The following ZNF892 variants were observed in gnomAD, a reference collection of about 807,000 sequenced individuals.
ZNF892 encodes zinc finger protein 892.
the ZNF892 span, among the ~76,000 whole-genome samples, chr2:95,257,153 T>G: frequency 1.3e-5 from 2 of 152,226 alleles, no homozygotes; most frequent in African/African-American, 4.8e-5. Context: ...GGCGCTCTGA[T>G]TTTAGAATTT....
the ZNF892 span, among the ~76,000 whole-genome samples, chr2:95,224,083 C>T: frequency 6.6e-6 from 1 of 152,212 alleles, no homozygotes; most frequent in Non-Finnish European, 1.5e-5. Context: ...TTCTCACTCA[C>T]ATTTCATTAT....
chr2:95,230,458 C>T, the ZNF892 span, among the ~76,000 whole-genome samples: 13 of 152,294 alleles, frequency 8.5e-5, no homozygotes. Context: ...GTTATATTCT[C>T]TTTAAAAGTG....
chr2:95,215,334 C>T, the ZNF892 span: 14 of 465,932 alleles, frequency 3.0e-5, no homozygotes, highest in South Asian at 6.1e-5. Context: ...AGCCCTTATT[C>T]GTCATCAGAG....
the ZNF892 span, among the ~76,000 whole-genome samples, chr2:95,254,297 T>C: frequency 6.6e-6 from 1 of 152,230 alleles, no homozygotes; most frequent in Non-Finnish European, 1.5e-5. Flanking sequence ...TGAAGCGTTG[T>C]TGAATTTTGT....
At chr2:95,232,019 T>C in the ZNF892 span, 120,851 of 152,138 alleles carry the variant, frequency 0.79, 48,345 homozygotes, top group African/African-American at 0.87. Context: ...CACAAATGTG[T>C]CACATTTGCA....
chr2:95,251,022 T>C, the ZNF892 span, among the ~76,000 whole-genome samples: 2 of 149,936 alleles, frequency 1.3e-5, no homozygotes, highest in Non-Finnish European at 3.0e-5. Context: ...TTATTATTTA[T>C]GTAATAAATG....
the ZNF892 span, among the ~76,000 whole-genome samples, chr2:95,231,900 C>T: frequency 1.7e-4 from 26 of 152,314 alleles, no homozygotes; most frequent in South Asian, 3.7e-3. Context: ...AGCTGGAGAG[C>T]GGGTGCTATT....
chr2:95,212,451 T>A, the ZNF892 span, among the ~76,000 whole-genome samples: 1 of 152,254 alleles, frequency 6.6e-6, no homozygotes, highest in Non-Finnish European at 1.5e-5. Flanking sequence ...AGTTATAATT[T>A]GATTTTTTAG....
At chr2:95,223,087 C>T in the ZNF892 span, among the ~76,000 whole-genome samples, 1 of 152,154 alleles carries the variant, frequency 6.6e-6, no homozygotes, top group Non-Finnish European at 1.5e-5. Context: ...CTGTTCTATT[C>T]CATTGATCTA....
chr2:95,235,326 A>G, the ZNF892 span, among the ~76,000 whole-genome samples: 1 of 150,986 alleles, frequency 6.6e-6, no homozygotes, highest in Non-Finnish European at 1.5e-5. Flanking sequence ...TGCAGTTGGA[A>G]TGTCTTCAGT....
the ZNF892 span, among the ~76,000 whole-genome samples, chr2:95,257,484 G>A: frequency 1.1e-3 from 166 of 152,276 alleles, 1 homozygote; most frequent in Non-Finnish European, 8.5e-4. Flanking sequence ...GCCCCTACTG[G>A]GGGGTGACTC....
At chr2:95,253,479 T>G in the ZNF892 span, among the ~76,000 whole-genome samples, 1 of 152,222 alleles carries the variant, frequency 6.6e-6, no homozygotes, top group African/African-American at 2.4e-5. Context: ...CTGTTTTGGT[T>G]ACTGTAGCCT....
chr2:95,207,541 C>T, the ZNF892 span: 2 of 348,698 alleles, frequency 5.7e-6, no homozygotes, highest in Non-Finnish European at 1.0e-5. Flanking sequence ...CATGGTTGGC[C>T]GGCGCTAGGC....
chr2:95,255,979 ACT>A, the ZNF892 span, among the ~76,000 whole-genome samples: 10 of 152,172 alleles, frequency 6.6e-5, no homozygotes, highest in Admixed American at 5.9e-4. Flanking sequence ...GTGTCTCTGC[ACT>A]TGAGATTGGT....
chr2:95,239,606 G>GTT, the ZNF892 span, among the ~76,000 whole-genome samples: 1 of 145,616 alleles, frequency 6.9e-6, no homozygotes. Context: ...ATAGTTTTTT[G>GTT]TTTTTTTTTT....
chr2:95,221,926 C>T, the ZNF892 span, among the ~76,000 whole-genome samples: 1 of 152,094 alleles, frequency 6.6e-6, no homozygotes, highest in African/African-American at 2.4e-5. Flanking sequence ...CTCCTCCTCC[C>T]TCCCTCTCTC....
At chr2:95,213,288 C>T in the ZNF892 span, among the ~76,000 whole-genome samples, 1 of 152,164 alleles carries the variant, frequency 6.6e-6, no homozygotes, top group African/African-American at 2.4e-5. Flanking sequence ...TGTCCATTTG[C>T]TTTTAACCTA....
the ZNF892 span, among the ~76,000 whole-genome samples, chr2:95,255,584 G>T: frequency 6.6e-6 from 1 of 152,198 alleles, no homozygotes; most frequent in Admixed American, 6.5e-5. Flanking sequence ...TTCTGCAGAT[G>T]TCTATTAGGT....
At chr2:95,251,069 T>C in the ZNF892 span, among the ~76,000 whole-genome samples, 2 of 151,410 alleles carry the variant, frequency 1.3e-5, no homozygotes, top group Non-Finnish European at 2.9e-5. Context: ...TAAATGCTTA[T>C]TATTCTTTAA....
Sources: allele counts gnomAD v4.1 joint callset (sites outside exome capture counted in the v4.1 genomes callset), GRCh38; gene constraint gnomAD v4.1.1; transcripts MANE v1.5; gene names NCBI Gene and HGNC (gene_info 2026-07-23, HGNC 2026-07-21).